The following GRIK1 variants were observed in gnomAD, a reference collection of about 807,000 sequenced individuals.
The protein encoded by GRIK1 is glutamate receptor ionotropic, kainate 1.
A neutral mutation model predicts 105.7 loss-of-function variants in GRIK1; 69 were observed. That is an observed-to-expected ratio of 0.65 (90% CI 0.54 to 0.80). The LOEUF is 0.80. GRIK1 is among the 30% of genes least tolerant of loss of function. The pLI is 0.00. For synonymous variants in GRIK1, 438 were observed against 431.3 expected (o/e 1.02, Z -0.19); for missense variants, 1,109 against 1,167.3 (o/e 0.95, Z 0.73).
rs893210022 is a variant in GRIK1 at position 29,913,672 on chromosome 21, A to T, written c.118+25711T>A. On this transcript the variant is annotated intron_variant, in intron 1 of 17. Transcript: ENST00000327783. Reference sequence around the variant, plus strand: ...GTAGATTTAAATTAAAGAAACACTAAATATATATATATATATATATATTTG... The same window carrying T: ...GTAGATTTAAATTAAAGAAACACTATATATATATATATATATATATATTTG... Among the ~76,000 whole-genome samples the T allele has an allele frequency of 7.6e-5, 11 of 144,584 alleles. No homozygotes were observed. The East Asian group carries it at 1.4e-3, about 18-fold the overall frequency. 94.9% of individuals were successfully genotyped at this position (144,584 alleles called of 152,430 possible). A position where few individuals can be genotyped will look rare whatever the true frequency, so the allele number is the denominator to read the frequency against.
chr21:29,870,099 C>T (rs469149), intron 1 of GRIK1, among the ~76,000 whole-genome samples: 19,549 of 152,098 alleles, frequency 0.13, 1,626 homozygotes, highest in East Asian at 0.35. Flanking sequence ...CATTGTTTAT[C>T]TGAAATTCAA....
At chr21:29,657,321 C>T in intron 4 of GRIK1, 1 of 152,066 alleles carries the variant, frequency 6.6e-6, no homozygotes. Flanking sequence ...CTTTGGATCC[C>T]CTGTTAAGAG....
At position 29,618,482 on chromosome 21, in the gene GRIK1, C is replaced by T. The variant is rs906537553; in HGVS notation, c.1099-19545G>A. 2.6e-5 allele frequency among the ~76,000 whole-genome samples: 4 copies of T among 152,130 alleles called. No individual in the cohort carries two copies. The South Asian group carries it at 6.2e-4, about 24-fold the overall frequency. ...CTTAAAGAACTAAAAGCAGAACTAC[C>T]ACTTGATCCAGCAAGCCGACTACTG... On this transcript the variant is annotated intron_variant, in intron 7 of 17. Transcript: ENST00000327783.
intron 1 of GRIK1, among the ~76,000 whole-genome samples, chr21:29,715,744 C>T (rs891226307): frequency 2.0e-5 from 3 of 150,708 alleles, no homozygotes; most frequent in Non-Finnish European, 2.9e-5. Context: ...TCCCAACACA[C>T]CCCTTTCTAC....
At position 29,929,368 on chromosome 21, in the gene GRIK1, G is replaced by A. The variant is rs188504513; in HGVS notation, c.118+10015C>T. Reference sequence around the variant, plus strand: ...TTAAACTGGACAAAACACATTAATGGGAATAAAAGTGAAAAAAAACTTTCA... The same window carrying A: ...TTAAACTGGACAAAACACATTAATGAGAATAAAAGTGAAAAAAAACTTTCA... On this transcript the variant is annotated intron_variant, in intron 1 of 17. Coordinates refer to ENST00000327783, the MANE Select transcript of GRIK1 (RefSeq NM_001330994.2). Among the ~76,000 whole-genome samples the A allele has an allele frequency of 4.2e-3, 633 of 151,998 alleles. 10 individuals are homozygous for A. The highest frequency in any genetic ancestry group is 3.7e-3 in the Non-Finnish European group (254 of 67,964).
At chr21:29,616,800 C>T (rs1205480548) in intron 7 of GRIK1, among the ~76,000 whole-genome samples, 1 of 152,194 alleles carries the variant, frequency 6.6e-6, no homozygotes, top group Non-Finnish European at 1.5e-5. Context: ...TGCTTGATGC[C>T]ATACTTCAAA....
intron 8 of GRIK1, among the ~76,000 whole-genome samples, chr21:29,598,399 A>C (rs2061456253): frequency 6.6e-6 from 1 of 152,186 alleles, no homozygotes; most frequent in African/African-American, 2.4e-5. Flanking sequence ...TCTGTCTGTC[A>C]CCAATCTCAA....
chr21:29,649,850 A>G (rs937924993), intron 6 of GRIK1, among the ~76,000 whole-genome samples: 2 of 152,224 alleles, frequency 1.3e-5, no homozygotes, highest in Non-Finnish European at 2.9e-5. Flanking sequence ...TCATCCTGTG[A>G]TTGAAACTTC....
At chr21:29,738,396 T>C (rs1033577603) in intron 1 of GRIK1, among the ~76,000 whole-genome samples, 3 of 152,264 alleles carry the variant, frequency 2.0e-5, no homozygotes, top group African/African-American at 7.2e-5. Context: ...TTTGAGGTGT[T>C]ACCTCCATCA....
At chr21:29,738,945 A>G (rs1351000791) in intron 1 of GRIK1, among the ~76,000 whole-genome samples, 2 of 152,200 alleles carry the variant, frequency 1.3e-5, no homozygotes, top group African/African-American at 4.8e-5. Flanking sequence ...TGTGCTGGGG[A>G]CACAAAAATC....
At chr21:29,839,863 A>G (rs1334161981) in intron 1 of GRIK1, among the ~76,000 whole-genome samples, 1 of 152,178 alleles carries the variant, frequency 6.6e-6, no homozygotes, top group Non-Finnish European at 1.5e-5. Flanking sequence ...CTGGTGGTGG[A>G]GAAGGTGATA....
intron 3 of GRIK1, among the ~76,000 whole-genome samples, chr21:29,676,023 T>G (rs1429266425): frequency 3.3e-5 from 5 of 152,204 alleles, no homozygotes; most frequent in Non-Finnish European, 5.9e-5. Flanking sequence ...AAATCCTTAT[T>G]TGGCACACTA....
chr21:29,708,780 T>G (rs986612736), intron 1 of GRIK1, among the ~76,000 whole-genome samples: 11 of 152,360 alleles, frequency 7.2e-5, no homozygotes, highest in African/African-American at 2.6e-4. Context: ...AAGCCTCAAT[T>G]TTAATCCTCT....
chr21:29,742,281 T>C (rs1020672896), intron 1 of GRIK1, among the ~76,000 whole-genome samples: 9 of 141,576 alleles, frequency 6.4e-5, no homozygotes, highest in Admixed American at 1.6e-4. Context: ...GTGTCTTTAA[T>C]TGAGTCTCAT....
chr21:29,832,439 G>C (rs1055237382), intron 1 of GRIK1, among the ~76,000 whole-genome samples: 8 of 152,174 alleles, frequency 5.3e-5, no homozygotes, highest in Non-Finnish European at 8.8e-5. Flanking sequence ...ACTGTAGCAG[G>C]CTTCTGCCTA....
chr21:29,560,104 C>G (rs902771308), intron 15 of GRIK1, among the ~76,000 whole-genome samples: 1 of 152,102 alleles, frequency 6.6e-6, no homozygotes, highest in African/African-American at 2.4e-5. Context: ...ACAAGCAAAT[C>G]AAACCTACCT....
At chr21:29,737,940 C>T (rs563396491) in intron 1 of GRIK1, among the ~76,000 whole-genome samples, 93 of 152,182 alleles carry the variant, frequency 6.1e-4, no homozygotes, top group Admixed American at 2.8e-3. Context: ...TTTATTTATA[C>T]GCTATTGATT....
intron 1 of GRIK1, among the ~76,000 whole-genome samples, chr21:29,848,519 T>G (rs1394156127): frequency 6.6e-6 from 1 of 152,064 alleles, no homozygotes; most frequent in Non-Finnish European, 1.5e-5. Context: ...CGTAACATTG[T>G]TTTTATCCAG....
intron 1 of GRIK1, among the ~76,000 whole-genome samples, chr21:29,739,032 T>G (rs529466688): frequency 9.2e-5 from 14 of 152,344 alleles, no homozygotes; most frequent in African/African-American, 3.1e-4. Flanking sequence ...CAGAATGGTT[T>G]TGAGGCAATA....
Sources: allele counts gnomAD v4.1 joint callset (sites outside exome capture counted in the v4.1 genomes callset), GRCh38; gene constraint gnomAD v4.1.1; transcripts MANE v1.5; gene names NCBI Gene and HGNC (gene_info 2026-07-23, HGNC 2026-07-21).